C1GALT1: variants seen among roughly 807,000 people sequenced by gnomAD.
The protein encoded by C1GALT1 is glycoprotein-N-acetylgalactosamine 3-beta-galactosyltransferase 1.
C1GALT1 carries 11 observed loss-of-function variants against 31.0 expected under a neutral mutation model. The ratio of observed to expected loss-of-function variants is 0.36; its 90% CI spans 0.22 to 0.59. The LOEUF is 0.59. Ranked by LOEUF, C1GALT1 falls within the 20% of genes least tolerant of loss-of-function variation. The probability of loss-of-function intolerance (pLI) is 0.79; values close to 1 mark genes in which losing one functional copy is unlikely to be tolerated. For missense variants in C1GALT1, 424 were observed against 425.2 expected (o/e 1.00, Z 0.03); for synonymous variants, 175 against 143.6 (o/e 1.22, Z -1.56).
intron 1 of C1GALT1, among the ~76,000 whole-genome samples, chr7:7,225,519 AT>A (rs945046950): frequency 2.0e-5 from 3 of 152,242 alleles, no homozygotes; most frequent in African/African-American, 7.2e-5. Context: ...GAAGAAAACT[AT>A]AGAGGGTTTA....
chr7:7,227,482 A>T (rs895157710), intron 1 of C1GALT1, among the ~76,000 whole-genome samples: 1 of 152,148 alleles, frequency 6.6e-6, no homozygotes, highest in Admixed American at 6.5e-5. Context: ...GCACTTTGGG[A>T]GGCCGAGGCG....
chr7:7,173,180 T>G (rs79056169), intron 2 of C1GALT1, among the ~76,000 whole-genome samples: 3,327 of 152,174 alleles, frequency 0.022, 119 homozygotes, highest in African/African-American at 0.076. Context: ...GGCCATCCCC[T>G]TGGTAATAAG....
At chr7:7,209,932 T>G (rs1270960291) in intron 1 of C1GALT1, among the ~76,000 whole-genome samples, 3 of 152,126 alleles carry the variant, frequency 2.0e-5, no homozygotes, top group Non-Finnish European at 4.4e-5. Flanking sequence ...GGAGTTGTTC[T>G]CTGGCGGGCA....
At chr7:7,216,872 C>T (rs1307699591) in intron 1 of C1GALT1, among the ~76,000 whole-genome samples, 1 of 152,098 alleles carries the variant, frequency 6.6e-6, no homozygotes, top group Non-Finnish European at 1.5e-5. Flanking sequence ...CATGTGCTTC[C>T]CAGAGAAACC....
intron 3 of C1GALT1, among the ~76,000 whole-genome samples, chr7:7,241,301 T>C (rs144984750): frequency 6.6e-6 from 1 of 152,098 alleles, no homozygotes; most frequent in African/African-American, 2.4e-5. Context: ...ATTTAAAATG[T>C]CCCCCTTATC....
chr7:7,183,522 A>T, intron 1 of C1GALT1: 1 of 968,626 alleles, frequency 1.0e-6, no homozygotes, highest in Non-Finnish European at 1.2e-6. Flanking sequence ...TTGCTTCTGC[A>T]CCCCATTTTT....
At chr7:7,172,607 G>T (rs1188435615) in intron 2 of C1GALT1, among the ~76,000 whole-genome samples, 1 of 152,040 alleles carries the variant, frequency 6.6e-6, no homozygotes, top group Non-Finnish European at 1.5e-5. Flanking sequence ...ATGACGCACA[G>T]GTCCCTTCAT....
At chr7:7,207,048 C>T (rs1395835152) in intron 1 of C1GALT1, among the ~76,000 whole-genome samples, 1 of 152,012 alleles carries the variant, frequency 6.6e-6, no homozygotes. Flanking sequence ...CATTTTTTCT[C>T]TCTCCATTAC....
intron 1 of C1GALT1, among the ~76,000 whole-genome samples, chr7:7,200,708 T>C (rs770530319): frequency 6.6e-6 from 1 of 152,210 alleles, no homozygotes; most frequent in East Asian, 1.9e-4. Context: ...TTTACTCTTC[T>C]TTCTCTAAAC....
intron 1 of C1GALT1, among the ~76,000 whole-genome samples, chr7:7,224,169 A>G (rs890303245): frequency 6.6e-6 from 1 of 152,106 alleles, no homozygotes; most frequent in Admixed American, 6.5e-5. Context: ...TGAAATACTA[A>G]TACTTCATTA....
chr7:7,184,148 C>A (rs542539123), intron 1 of C1GALT1, among the ~76,000 whole-genome samples: 3 of 152,306 alleles, frequency 2.0e-5, no homozygotes, highest in African/African-American at 7.2e-5. Flanking sequence ...ACTATACTTT[C>A]TACCAGTCTT....
intron 2 of C1GALT1, among the ~76,000 whole-genome samples, chr7:7,163,152 G>A (rs1461201128): frequency 1.3e-5 from 2 of 152,134 alleles, no homozygotes; most frequent in African/African-American, 4.8e-5. Flanking sequence ...GGCTTCTGTT[G>A]CCATTGCTTT....
At chr7:7,202,275 A>C (rs776036340) in intron 1 of C1GALT1, among the ~76,000 whole-genome samples, 23 of 152,114 alleles carry the variant, frequency 1.5e-4, no homozygotes, top group Non-Finnish European at 3.1e-4. Flanking sequence ...TTCCCGTGGT[A>C]GTAGTTCTTC....
At chr7:7,179,913 T>C (rs1173219831), upstream of C1GALT1, among the ~76,000 whole-genome samples, 1 of 152,164 alleles carries the variant, frequency 6.6e-6, no homozygotes, top group Non-Finnish European at 1.5e-5. Context: ...AAGCGATATT[T>C]CTTCCATAAA....
chr7:7,219,605 C>T (rs1480918089), intron 1 of C1GALT1, among the ~76,000 whole-genome samples: 2 of 152,154 alleles, frequency 1.3e-5, no homozygotes, highest in African/African-American at 4.8e-5. Context: ...TGGAGATTCT[C>T]ACTAATTAAG....
chr7:7,170,295 C>G (rs1461797534), intron 2 of C1GALT1, among the ~76,000 whole-genome samples: 1 of 152,102 alleles, frequency 6.6e-6, no homozygotes, highest in Non-Finnish European at 1.5e-5. Flanking sequence ...CTGCTCTAAT[C>G]TTTCTTTCCT....
At chr7:7,234,251 T>TTA in intron 1 of C1GALT1, 52 bp from the exon 2 acceptor site, 1 of 1,335,176 alleles carries the variant, frequency 7.5e-7, no homozygotes, top group Non-Finnish European at 1.1e-6. Context: ...TTTACTCCGG[T>TTA]TATGTATACA....
At chr7:7,182,327 G>A (rs950391217), upstream of C1GALT1, among the ~76,000 whole-genome samples, 2 of 152,202 alleles carry the variant, frequency 1.3e-5, no homozygotes, top group Non-Finnish European at 2.9e-5. Flanking sequence ...CCTTACAGCA[G>A]GATCAGAAAT....
chr7:7,205,081 T>C (rs1781679683), intron 1 of C1GALT1, among the ~76,000 whole-genome samples: 1 of 152,166 alleles, frequency 6.6e-6, no homozygotes, highest in Admixed American at 6.5e-5. Context: ...CCATTCTGTG[T>C]GGTTCTGTTA....
Sources: gnomAD v4.1 joint callset for allele counts (sites outside exome capture counted in the v4.1 genomes callset) on GRCh38, gnomAD v4.1.1 for gene constraint, MANE v1.5 for transcripts, NCBI Gene and HGNC (gene_info 2026-07-23, HGNC 2026-07-21) for gene names.